Variants in COL14A1 observed in about 807,000 individuals in gnomAD.
The protein encoded by COL14A1 is collagen alpha-1(XIV) chain.
A neutral mutation model predicts 230.3 loss-of-function variants in COL14A1; 136 were observed. The observed-to-expected ratio is 0.59, with a 90% CI of 0.51 to 0.68. The LOEUF (loss-of-function observed/expected upper bound fraction) is 0.68, where lower values mean the gene tolerates loss of function less well. COL14A1 is among the 30% of genes least tolerant of loss of function. The pLI is 0.00. For synonymous variants in COL14A1, 792 were observed against 784.1 expected (o/e 1.01, Z -0.17); for missense variants, 1,976 against 2,215.8 (o/e 0.89, Z 2.17).
rs1822470420 is a variant in COL14A1, at chr8:120,345,474, G to C, written c.4988G>C (p.Gly1663Ala). Residue 1663 changes from glycine (G) to alanine (A), a missense_variant, in exon 45 of 48, where the codon GGC becomes GCC. Gly to Ala is a moderately conservative substitution (Grantham distance 60, BLOSUM62 0). Coordinates refer to ENST00000297848, the MANE Select transcript of COL14A1 (RefSeq NM_021110.4). ...CCTCCTGGGGAGCCTGGGAGGCCAG[G>C]CTCACCTGGAGCCCCTGGTGAACAA... ...QGPPGEPGRP[G>A]SPGAPGEQGP... The C allele has an allele frequency of 1.2e-6, 2 of 1,603,336 alleles. No homozygotes were observed. The highest frequency in any genetic ancestry group is 1.7e-6 in the Non-Finnish European group (2 of 1,175,264).
At chr8:120,127,061 A>G (rs1467039321) in intron 1 of COL14A1, among the ~76,000 whole-genome samples, 4 of 152,064 alleles carry the variant, frequency 2.6e-5, no homozygotes, top group Non-Finnish European at 5.9e-5. Context: ...CCAAAAAGAA[A>G]CCCTGTACCT....
At chr8:120,339,749 A>C (rs777269282) in intron 42 of COL14A1, among the ~76,000 whole-genome samples, 4 of 151,998 alleles carry the variant, frequency 2.6e-5, no homozygotes, top group Admixed American at 6.6e-5. Context: ...AAAAAAAAAA[A>C]GTGTTGGCCA....
chr8:120,342,530 T>A, intron 44 of COL14A1, 84 bp downstream of exon 44: 1 of 1,281,908 alleles, frequency 7.8e-7, no homozygotes, highest in Non-Finnish European at 1.1e-6. Flanking sequence ...AGCGTACCAC[T>A]AAGGAAAACT....
chr8:120,206,549 A>C (rs1275432001), intron 9 of COL14A1, among the ~76,000 whole-genome samples: 1 of 152,188 alleles, frequency 6.6e-6, no homozygotes, highest in Non-Finnish European at 1.5e-5. Flanking sequence ...GGGTTTTGCC[A>C]TGTTGGCCAG....
At chr8:120,280,782 A>T (rs947620379) in intron 30 of COL14A1, 33 bp downstream of exon 30, 4 of 1,608,070 alleles carry the variant, frequency 2.5e-6, no homozygotes, top group Non-Finnish European at 1.7e-6. Flanking sequence ...CAAACACAAA[A>T]TATATTACAG....
In COL14A1 at chr8:120,158,226, T is replaced by A. The variant is rs1202710658; in HGVS notation, c.185T>A (p.Leu62His). Reference sequence around the variant, plus strand: ...AGAGGGAAATTTGGTGGTTACAAACTTCTTGTGACTCCAACTTCAGGTAAA... The same window carrying A: ...AGAGGGAAATTTGGTGGTTACAAACATCTTGTGACTCCAACTTCAGGTAAA... The part of the protein sequence containing the change: ...APRGKFGGYK[L>H]LVTPTSGGKT... The change falls in exon 3 of 48, where the codon CTT (leucine) becomes CAT (histidine). Residue 62 changes from leucine to histidine, a missense_variant. This residue lies in a region of COL14A1 where 181 missense variants were observed against 178.6 expected (regional missense o/e 1.01). Coordinates refer to ENST00000297848, the MANE Select transcript of COL14A1 (RefSeq NM_021110.4). The A allele has an allele frequency of 6.3e-7, 1 of 1,595,642 alleles. No individual in the cohort carries two copies.
At chr8:120,185,052 T>C (rs1000857916) in intron 5 of COL14A1, among the ~76,000 whole-genome samples, 1 of 152,082 alleles carries the variant, frequency 6.6e-6, no homozygotes, top group Non-Finnish European at 1.5e-5. Context: ...GGAGGAAAAA[T>C]AAAACAGGGA....
At chr8:120,293,003 CTAAA>C (rs1820419516) in intron 34 of COL14A1, among the ~76,000 whole-genome samples, 1 of 152,080 alleles carries the variant, frequency 6.6e-6, no homozygotes, top group Non-Finnish European at 1.5e-5. Context: ...ACTTAGCTGT[CTAAA>C]TACATGTGGA....
chr8:120,207,334 C>T (rs72675796), intron 10 of COL14A1, among the ~76,000 whole-genome samples: 4,448 of 152,258 alleles, frequency 0.029, 97 homozygotes, highest in Middle Eastern at 0.085. Flanking sequence ...TCTAACACAA[C>T]GTATTTTTCT....
At chr8:120,357,015 C>A (rs546052415) in intron 45 of COL14A1, among the ~76,000 whole-genome samples, 1 of 151,972 alleles carries the variant, frequency 6.6e-6, no homozygotes, top group Non-Finnish European at 1.5e-5. Context: ...TATTACAAAG[C>A]GACTCTTTAC....
At chr8:120,193,519 C>T (rs538827591) in intron 5 of COL14A1, among the ~76,000 whole-genome samples, 130 of 152,316 alleles carry the variant, frequency 8.5e-4, no homozygotes, top group African/African-American at 3.0e-3. Context: ...CTTGAGGAGG[C>T]AGTCTGCTCG....
chr8:120,306,951 G>A (rs536805930), intron 36 of COL14A1, among the ~76,000 whole-genome samples: 1 of 152,296 alleles, frequency 6.6e-6, no homozygotes, highest in East Asian at 1.9e-4. Flanking sequence ...GAGAGACTAG[G>A]CTGCGAGAAA....
At chr8:120,173,564 C>CTATCTATCTATCTATCTATCTATCT (rs138242637) in intron 5 of COL14A1, among the ~76,000 whole-genome samples, 8 of 149,166 alleles carry the variant, frequency 5.4e-5, no homozygotes, top group Admixed American at 3.4e-4. Context: ...AGCAATCAAT[C>CTATCTATCTATCTATCTATCTATCT]ATCTATCTAT....
At chr8:120,232,284 A>G (rs1586788586) in intron 19 of COL14A1, among the ~76,000 whole-genome samples, 1 of 151,916 alleles carries the variant, frequency 6.6e-6, no homozygotes, top group East Asian at 1.9e-4. Context: ...TCTTTTTTTA[A>G]TATACTTAAG....
intron 5 of COL14A1, among the ~76,000 whole-genome samples, chr8:120,182,726 G>GGTTTTTTTTTTTTTTTTTTTTT (rs1554603200): frequency 7.8e-6 from 1 of 129,014 alleles, no homozygotes. Context: ...ATTTTTCTTC[G>GGTTTTTTTTTTTTTTTTTTTTT]TTTTTTTTTT....
intron 42 of COL14A1, among the ~76,000 whole-genome samples, chr8:120,336,425 A>T (rs1822074422): frequency 1.3e-5 from 2 of 152,254 alleles, no homozygotes; most frequent in South Asian, 4.2e-4. Context: ...GTACATTTTA[A>T]TATTTTTCAA....
rs762686017 is a variant in COL14A1 at position 120,285,822 on chromosome 8, T to C, written c.3968-39T>C. The C allele has an allele frequency of 6.7e-6, 9 of 1,344,076 alleles. No homozygotes were observed. The South Asian group carries it at 1.1e-4, about 16-fold the overall frequency. 83.3% of individuals were successfully genotyped at this position (1,344,076 alleles called of 1,614,324 possible). Reference sequence around the variant, plus strand: ...TTTTAGAAAACAAAATTCACCTACTTTAATTATTTCTAAAATATTTTTATT... The same window carrying C: ...TTTTAGAAAACAAAATTCACCTACTCTAATTATTTCTAAAATATTTTTATT... On this transcript the variant is annotated intron_variant, in intron 32 of 47. Transcript: ENST00000297848.
At chr8:120,180,744 G>GT (rs1816437654) in intron 5 of COL14A1, among the ~76,000 whole-genome samples, 1 of 117,280 alleles carries the variant, frequency 8.5e-6, no homozygotes, top group African/African-American at 3.4e-5. Context: ...GTCTCGGTCT[G>GT]TTTCCCAGGC....
At chr8:120,340,368 C>A (rs1822252215) in intron 42 of COL14A1, among the ~76,000 whole-genome samples, 1 of 152,196 alleles carries the variant, frequency 6.6e-6, no homozygotes, top group Non-Finnish European at 1.5e-5. Context: ...AGTTTACCTG[C>A]ACACTGTGGG....
Sources: allele counts gnomAD v4.1 joint callset (sites outside exome capture counted in the v4.1 genomes callset), GRCh38; gene constraint gnomAD v4.1.1; regional missense constraint gnomAD v4.1.1; transcripts MANE v1.5; gene names NCBI Gene and HGNC (gene_info 2026-07-23, HGNC 2026-07-21).